The following WAPL variants were observed in gnomAD, a reference collection of about 807,000 sequenced individuals.
WAPL encodes WAPL cohesin release factor, also known as wings apart-like protein homolog.
A neutral mutation model predicts 121.0 loss-of-function variants in WAPL; 5 were observed. The observed-to-expected ratio is 0.04, with a 90% CI of 0.02 to 0.09. The LOEUF (loss-of-function observed/expected upper bound fraction) is 0.09. Among genes scored for constraint, WAPL ranks in the 10% least tolerant of loss-of-function variants. The probability of loss-of-function intolerance (pLI) is 1.00; values close to 1 mark genes in which losing one functional copy is unlikely to be tolerated. For synonymous variants in WAPL, 480 were observed against 481.5 expected, an observed-to-expected ratio of 1.00 and a Z score of 0.04; for missense variants, 999 against 1,410.8, an observed-to-expected ratio of 0.71 and a Z score of 4.68.
rs189888081 is a variant in WAPL at position 86,499,699 on chromosome 10, A to G, written c.1525+19T>C. 1.9e-4 allele frequency: 295 copies of G among 1,535,608 alleles called. No homozygotes were observed. In the African/African-American group the frequency reaches 2.7e-3, roughly 14 times the overall value. ...GGGGGAACTATTGTACTTATTATACATATTTTTTAAATTCTTACCTGCATT... is the reference window on the plus strand; with the variant it reads ...GGGGGAACTATTGTACTTATTATACGTATTTTTTAAATTCTTACCTGCATT... On this transcript the variant is annotated intron_variant, in intron 3 of 18. Transcript: ENST00000298767.
At position 86,452,129 on chromosome 10, in the gene WAPL, G is replaced by A. The variant is rs768183982; in HGVS notation, c.2952C>T (p.Gly984=). Reference sequence around the variant, plus strand: ...CCACTAGATTTATCAGCAGACCTAAGCCCTTCAAAAAGTTTAAAAGACACA... The same window carrying A: ...CCACTAGATTTATCAGCAGACCTAAACCCTTCAAAAAGTTTAAAAGACACA... ...QEQRFDIRVL[G]LGLLINLVEY... is the part of the protein sequence containing the mutation. The change falls in exon 15 of 19, where the codon GGC becomes GGT. Residue 984 remains glycine, a splice_region_variant and synonymous_variant. Transcript: ENST00000298767. The A allele has an allele frequency of 1.6e-5, 26 of 1,612,602 alleles. No individual in the cohort carries two copies. The highest frequency in any genetic ancestry group is 2.1e-5 in the Non-Finnish European group (25 of 1,179,556).
At chr10:86,496,412 A>C (rs992628502) in intron 4 of WAPL, among the ~76,000 whole-genome samples, 1 of 152,178 alleles carries the variant, frequency 6.6e-6, no homozygotes, top group African/African-American at 2.4e-5. Flanking sequence ...GGCCTACCAT[A>C]CTGACCCAGG....
At chr10:86,470,564 G>A (rs1160759482) in intron 8 of WAPL, among the ~76,000 whole-genome samples, 2 of 152,156 alleles carry the variant, frequency 1.3e-5, no homozygotes, top group East Asian at 3.8e-4. Flanking sequence ...TTATCACAAT[G>A]AGGCCATGTT....
chr10:86,474,334 T>C (rs1027515912), intron 4 of WAPL, among the ~76,000 whole-genome samples: 4 of 151,052 alleles, frequency 2.6e-5, no homozygotes, highest in African/African-American at 9.7e-5. Context: ...GTCAACATAG[T>C]GAAACCCCAT....
chr10:86,437,506 C>A lies in WAPL; in HGVS notation c.*37G>T. The stretch of plus-strand genomic sequence containing the variant: ...GACTTTTCTTTGTCTAAGGATAGCT[C>A]CAGCATTACCGAGCACCTGAAGCAA... On this transcript the variant is annotated 3_prime_UTR_variant, in exon 19 of 19. Transcript: ENST00000298767. 1 of 1,601,462 alleles carries A rather than the reference C, an allele frequency of 6.2e-7. No individual in the cohort carries two copies. Among genetic ancestry groups the A allele is most frequent in the African/African-American group, 1.3e-5 (1 of 74,540 alleles).
chr10:86,452,966 G>A (rs1841026259), intron 14 of WAPL, among the ~76,000 whole-genome samples: 2 of 134,362 alleles, frequency 1.5e-5, no homozygotes, highest in South Asian at 4.7e-4. Context: ...TTGAACCAGG[G>A]AGGCGGAGGT....
At chr10:86,440,872 T>C (rs563958843) in intron 17 of WAPL, among the ~76,000 whole-genome samples, 4 of 75,522 alleles carry the variant, frequency 5.3e-5, no homozygotes, top group African/African-American at 1.2e-4. Context: ...AGGACTTAGA[T>C]ACACAAAGTG....
intron 11 of WAPL, among the ~76,000 whole-genome samples, chr10:86,459,924 G>C (rs1030927379): frequency 6.6e-5 from 10 of 152,124 alleles, no homozygotes; most frequent in Admixed American, 5.2e-4. Flanking sequence ...GACCAGCCTG[G>C]CCAACATGGC....
At chr10:86,464,034 G>C (rs1335853395) in intron 9 of WAPL, among the ~76,000 whole-genome samples, 4 of 152,208 alleles carry the variant, frequency 2.6e-5, no homozygotes, top group Non-Finnish European at 5.9e-5. Context: ...GAGCATATCT[G>C]TCATGAAGCA....
Position 86,521,714 on chromosome 10 carries a change from A to T in WAPL, c.-372T>A. 1 of 463,288 alleles carries T rather than the reference A, an allele frequency of 2.2e-6. No individual in the cohort carries two copies. 28.7% of individuals were successfully genotyped at this position (463,288 alleles called of 1,614,324 possible). A position where few individuals can be genotyped will look rare whatever the true frequency, so the allele number is the denominator to read the frequency against. ...GTGAATGGTCAGTGCTGGAGTTTGA[A>T]CAGGGCCCTGAACCATCTCAACGCC... is the stretch of plus-strand genomic sequence containing the variant. On this transcript the variant is annotated 5_prime_UTR_variant, in exon 1 of 19. Transcript: ENST00000298767.
chr10:86,509,075 T>C (rs1484055276), intron 2 of WAPL, among the ~76,000 whole-genome samples: 1 of 152,178 alleles, frequency 6.6e-6, no homozygotes, highest in East Asian at 1.9e-4. Context: ...ACAGTCCTAA[T>C]ACTTTTTCCT....
intron 15 of WAPL, among the ~76,000 whole-genome samples, chr10:86,449,947 C>T (rs183489595): frequency 6.6e-6 from 1 of 151,980 alleles, no homozygotes; most frequent in African/African-American, 2.4e-5. Context: ...AATCTATACA[C>T]GTAATAAAAC....
chr10:86,442,218 G>A (rs1849488583), intron 17 of WAPL, among the ~76,000 whole-genome samples: 1 of 152,112 alleles, frequency 6.6e-6, no homozygotes, highest in Non-Finnish European at 1.5e-5. Flanking sequence ...TTTTAGTAGA[G>A]ACATGGTTCT....
In WAPL at chr10:86,517,742, T is replaced by C; in HGVS notation, c.328A>G (p.Thr110Ala). 1 of 1,614,220 alleles carries C rather than the reference T, an allele frequency of 6.2e-7. No individual in the cohort carries two copies. Among genetic ancestry groups the C allele is most frequent in the Non-Finnish European group, 8.5e-7 (1 of 1,180,040 alleles). Reference protein sequence around the residue: ...SSEAAQLEEVTSVLEANSKIS... With the variant: ...SSEAAQLEEVASVLEANSKIS... ...TTGCTATTAGCTTCAAGTACTGAAG[T>C]GACCTCTTCCAACTGAGCAGCTTCA... Residue 110 changes from threonine (T) to alanine (A), a missense_variant, in exon 2 of 19, where the codon ACT (threonine) becomes GCT (alanine). By Grantham distance (58) the Thr-to-Ala change is moderately conservative. Around this residue, in one of 7 missense-constraint regions of WAPL, gnomAD observed 531 missense variants for 563.1 expected, o/e 0.94. Coordinates refer to ENST00000298767, the MANE Select transcript of WAPL (RefSeq NM_015045.5).
In WAPL at chr10:86,469,251, T is replaced by TAATAAAA. The variant is rs1564571362; in HGVS notation, c.2142+1740_2142+1741insTTTTATT. 1.1e-3 allele frequency among the ~76,000 whole-genome samples: 5 copies of TAATAAAA among 4,404 alleles called. 2 individuals are homozygous for TAATAAAA. The highest frequency in any genetic ancestry group is 2.9e-3 in the Non-Finnish European group (3 of 1,030). 2.9% of individuals were successfully genotyped at this position (4,404 alleles called of 152,430 possible). A position where few individuals can be genotyped will look rare whatever the true frequency, so the allele number is the denominator to read the frequency against. Reference sequence around the variant, plus strand: ...TCTGGTTGAACCAAATAATTTTTTTTTTTTTTTTTTTTTTTTTTTGAGACG... The same window carrying TAATAAAA: ...TCTGGTTGAACCAAATAATTTTTTTTAATAAAATTTTTTTTTTTTTTTTTTTGAGACG... On this transcript the variant is annotated intron_variant, in intron 8 of 18. Transcript: ENST00000298767.
chr10:86,520,766 T>TAAAAAAAAAAAAAAAAAAAAAAAAA (rs10574217), intron 1 of WAPL, among the ~76,000 whole-genome samples: 1 of 98,100 alleles, frequency 1.0e-5, no homozygotes. Flanking sequence ...CGCTGTGATT[T>TAAAAAAAAAAAAAAAAAAAAAAAAA]AAAAAAAAAA....
intron 1 of WAPL, among the ~76,000 whole-genome samples, chr10:86,519,948 G>A (rs1842640080): frequency 6.6e-6 from 1 of 152,192 alleles, no homozygotes. Flanking sequence ...AAAGTTTGAA[G>A]TCTTCAGATG....
chr10:86,456,343 C>A (rs1170998346), intron 12 of WAPL, among the ~76,000 whole-genome samples: 4 of 149,766 alleles, frequency 2.7e-5, no homozygotes, highest in African/African-American at 9.9e-5. Flanking sequence ...AGAATAAAAC[C>A]CAAAGAAATA....
chr10:86,463,472 C>T (rs778393253), intron 9 of WAPL, among the ~76,000 whole-genome samples: 4 of 152,152 alleles, frequency 2.6e-5, no homozygotes, highest in Non-Finnish European at 5.9e-5. Flanking sequence ...CCTTGGTTAA[C>T]GTGTGTGTGT....
Sources: gnomAD v4.1 joint callset for allele counts (sites outside exome capture counted in the v4.1 genomes callset) on GRCh38, gnomAD v4.1.1 for gene constraint, gnomAD v4.1.1 regional missense constraint, MANE v1.5 for transcripts, NCBI Gene and HGNC (gene_info 2026-07-23, HGNC 2026-07-21) for gene names.